POLR3E: variants seen among roughly 807,000 people sequenced by gnomAD.
POLR3E encodes the protein RNA polymerase III subunit E, also known as DNA-directed RNA polymerase III subunit RPC5.
A neutral mutation model predicts 96.6 loss-of-function variants in POLR3E; 41 were observed. The ratio of observed to expected loss-of-function variants is 0.42; its 90% CI spans 0.33 to 0.55. The LOEUF (loss-of-function observed/expected upper bound fraction) is 0.55. Among genes scored for constraint, POLR3E ranks in the 20% least tolerant of loss-of-function variants. POLR3E has a pLI of 0.06. For synonymous variants in POLR3E, 396 were observed against 383.6 expected (o/e 1.03, Z -0.38); for missense variants, 849 against 952.1 (o/e 0.89, Z 1.43).
At position 22,324,563 on chromosome 16, in the gene POLR3E, G is replaced by A. The variant is rs758949078; in HGVS notation, c.1189G>A (p.Gly397Ser). The A allele has an allele frequency of 6.2e-7, 1 of 1,613,370 alleles. No homozygotes were observed. The highest frequency in any genetic ancestry group is 1.1e-5 in the South Asian group (1 of 91,052). Residue 397 changes from glycine to serine, a missense_variant, in exon 16 of 21, where the codon GGC (glycine) becomes AGC (serine). Physicochemically the swap from Gly to Ser is moderately conservative, Grantham distance 56. Coordinates refer to ENST00000299853, the MANE Select transcript of POLR3E (RefSeq NM_018119.4). The stretch of plus-strand genomic sequence containing the variant: ...CATGGCCGTGGTGAGGATCAACAAA[G>A]GCTGGGAGTTCATTCTGCCTTATGA... ...EHMAVVRINKGWEFILPYDGE... is the reference protein window; with the variant it reads ...EHMAVVRINKSWEFILPYDGE...
intron 18 of POLR3E, chr16:22,326,778 T>A (rs2048604315): frequency 5.7e-6 from 1 of 176,948 alleles, no homozygotes; most frequent in African/African-American, 2.4e-5. Context: ...GAGTTTTGAA[T>A]CCTTTCTGCT....
intron 1 of POLR3E, among the ~76,000 whole-genome samples, chr16:22,298,175 G>T (rs1354676926): frequency 1.3e-5 from 2 of 152,228 alleles, no homozygotes; most frequent in South Asian, 4.1e-4. Context: ...CGTTCCTTTG[G>T]GTTAGCTTTA....
intron 6 of POLR3E, among the ~76,000 whole-genome samples, chr16:22,311,756 A>C (rs1449611718): frequency 6.6e-6 from 1 of 152,024 alleles, no homozygotes; most frequent in Non-Finnish European, 1.5e-5. Flanking sequence ...TCTGCCTCCC[A>C]GAGTTCTGGG....
At chr16:22,326,792 C>T (rs1395304279) in intron 18 of POLR3E, 1 of 173,306 alleles carries the variant, frequency 5.8e-6, no homozygotes, top group Non-Finnish European at 1.2e-5. Context: ...TTCTGCTCAG[C>T]TAAGATGAGC....
intron 13 of POLR3E, among the ~76,000 whole-genome samples, chr16:22,321,644 C>T (rs987538298): frequency 6.6e-6 from 1 of 152,260 alleles, no homozygotes; most frequent in Non-Finnish European, 1.5e-5. Flanking sequence ...AGTCTTGCAG[C>T]AAGGCAGCCG....
At position 22,316,644 on chromosome 16, in the gene POLR3E, G is replaced by A. The variant is rs1335987533; in HGVS notation, c.686G>A (p.Gly229Asp). The stretch of plus-strand genomic sequence containing the variant: ...GAGCGTCAGTACCTGCTGTGCCCCG[G>A]CTCAAGCGGGGTGGAGAACACGGAG... Reference protein sequence around the residue: ...EHERQYLLCPGSSGVENTELV... With the variant: ...EHERQYLLCPDSSGVENTELV... The change falls in exon 10 of 21, where the codon GGC becomes GAC. Residue 229 changes from glycine (G) to aspartate (D), a missense_variant. Transcript: ENST00000299853. 5 of 1,614,070 alleles carry A rather than the reference G, an allele frequency of 3.1e-6. No homozygotes were observed. Among genetic ancestry groups the A allele is most frequent in the Non-Finnish European group, 4.2e-6 (5 of 1,179,940 alleles).
chr16:22,312,693 C>T (rs2048270919), intron 6 of POLR3E, among the ~76,000 whole-genome samples: 2 of 151,626 alleles, frequency 1.3e-5, no homozygotes, highest in African/African-American at 4.8e-5. Flanking sequence ...GGTGAAACAC[C>T]ATCTCTACTG....
intron 6 of POLR3E, 24 bp downstream of exon 6, chr16:22,309,534 G>T (rs376855287): frequency 6.4e-7 from 1 of 1,554,472 alleles, no homozygotes; most frequent in Non-Finnish European, 8.9e-7. Context: ...GGTGTCCCGC[G>T]GTGGGGACAT....
chr16:22,326,079 C>A lies in POLR3E; in HGVS notation c.1667C>A (p.Thr556Asn), dbSNP rs1485734052. Residue 556 changes from threonine to asparagine, a missense_variant, in exon 18 of 21, where the codon ACC becomes AAC. Physicochemically the swap from Thr to Asn is moderately conservative, Grantham distance 65 (BLOSUM62 0). Coordinates refer to ENST00000299853, the MANE Select transcript of POLR3E (RefSeq NM_018119.4). ...CACCCGCCCCAGGGCTGCGCCAGCA[C>A]CCCTGTGGCTCGGGAACTGAAGGCC... ...NGHPPQGCAS[T>N]PVARELKAFV... 1.9e-6 allele frequency: 3 copies of A among 1,613,056 alleles called. No individual in the cohort carries two copies. Among genetic ancestry groups the A allele is most frequent in the African/African-American group, 2.7e-5 (2 of 75,042 alleles).
chr16:22,324,116 G>A (rs1372570635), intron 14 of POLR3E, among the ~76,000 whole-genome samples: 1 of 152,248 alleles, frequency 6.6e-6, no homozygotes, highest in Middle Eastern at 3.4e-3. Context: ...TCTAGGTGGG[G>A]TGGGATGGTC....
At chr16:22,325,653 G>A (rs2048565959) in intron 17 of POLR3E, 108 bp from the exon 18 acceptor site, 1 of 1,306,736 alleles carries the variant, frequency 7.7e-7, no homozygotes, top group Non-Finnish European at 1.0e-6. Context: ...AGAAAGGTTG[G>A]GGATGAGACC....
chr16:22,323,303 C>T (rs112837148), intron 14 of POLR3E, among the ~76,000 whole-genome samples: 1 of 152,270 alleles, frequency 6.6e-6, no homozygotes, highest in African/African-American at 2.4e-5. Flanking sequence ...CCCCTGGGGC[C>T]ACTTCCCCAC....
intron 19 of POLR3E, chr16:22,329,222 T>C (rs996464626): frequency 6.6e-6 from 1 of 152,246 alleles, no homozygotes; most frequent in Non-Finnish European, 1.5e-5. Context: ...TGAAGCACAT[T>C]TCTCAGGCGG....
chr16:22,312,105 G>A (rs1014353845), intron 6 of POLR3E, among the ~76,000 whole-genome samples: 7 of 152,224 alleles, frequency 4.6e-5, no homozygotes, highest in Non-Finnish European at 8.8e-5. Context: ...GGACTAGTGG[G>A]AGAGTGGAGT....
chr16:22,320,328 C>T (rs931892376), intron 13 of POLR3E, among the ~76,000 whole-genome samples: 3 of 152,078 alleles, frequency 2.0e-5, no homozygotes, highest in Admixed American at 6.5e-5. Context: ...GTGGCACAGT[C>T]TCAGCTCACT....
intron 2 of POLR3E, among the ~76,000 whole-genome samples, chr16:22,304,579 A>G (rs1040992015): frequency 6.6e-6 from 1 of 152,160 alleles, no homozygotes; most frequent in Non-Finnish European, 1.5e-5. Flanking sequence ...AGGTATAGGG[A>G]AAAGCATGTG....
At chr16:22,301,652 G>A (rs1037510589) in intron 1 of POLR3E, among the ~76,000 whole-genome samples, 1 of 152,048 alleles carries the variant, frequency 6.6e-6, no homozygotes, top group Non-Finnish European at 1.5e-5. Flanking sequence ...TCAGCCGGGC[G>A]CAGTGGCTCA....
At chr16:22,327,751 G>A (rs1181156785) in intron 18 of POLR3E, 1 of 152,288 alleles carries the variant, frequency 6.6e-6, no homozygotes, top group Non-Finnish European at 1.5e-5. Flanking sequence ...CTTATTAGCT[G>A]TGTGACCATG....
At position 22,298,323 on chromosome 16, in the gene POLR3E, G is replaced by A. The variant is rs373191965; in HGVS notation, c.-39+786G>A. Among the ~76,000 whole-genome samples the A allele has an allele frequency of 8.9e-4, 136 of 152,326 alleles. 3 individuals carry two copies. In the South Asian group the frequency reaches 0.024, roughly 27 times the overall value. On this transcript the variant is annotated intron_variant, in intron 1 of 20. Coordinates refer to ENST00000299853, the MANE Select transcript of POLR3E (RefSeq NM_018119.4). ...TCAGTAGAAACCGGGTGACGCTCCT[G>A]CTTGCAGCGTTTGACTTGTGGCTTA...
Sources: allele counts gnomAD v4.1 joint callset (sites outside exome capture counted in the v4.1 genomes callset), GRCh38; gene constraint gnomAD v4.1.1; transcripts MANE v1.5; gene names NCBI Gene and HGNC (gene_info 2026-07-23, HGNC 2026-07-21).